The following ST18 variants were observed in gnomAD, a reference collection of about 807,000 sequenced individuals.
The protein encoded by ST18 is ST18 C2H2C-type zinc finger transcription factor.
In ST18, 50 loss-of-function variants were observed where a neutral mutation model predicts 110.0. The observed-to-expected ratio is 0.45, with a 90% confidence interval of 0.36 to 0.58. The LOEUF (loss-of-function observed/expected upper bound fraction) is 0.58. Among genes scored for constraint, ST18 ranks in the 20% least tolerant of loss-of-function variants. The pLI is 0.00. For missense variants in ST18, 1,306 were observed against 1,280.1 expected, an observed-to-expected ratio of 1.02 and a Z score of -0.31; for synonymous variants, 461 against 452.4, an observed-to-expected ratio of 1.02 and a Z score of -0.24.
chr8:52,323,611 A>G (rs1409467947), intron 2 of ST18, among the ~76,000 whole-genome samples: 1 of 152,176 alleles, frequency 6.6e-6, no homozygotes, highest in Non-Finnish European at 1.5e-5. Context: ...AAGCTCAGGT[A>G]CCAACAGGGT....
In ST18 at chr8:52,180,136, C is replaced by A. The variant is rs149445533; in HGVS notation, c.263G>T (p.Gly88Val). 3.1e-6 allele frequency: 5 copies of A among 1,614,092 alleles called. No homozygotes were observed. The African/African-American group carries it at 5.3e-5, about 17-fold the overall frequency. ...CTCCTTGCTACCTGCGGTAGAGTGACCATGTGTTTCCAAGGGGCCATCGTC... is the reference window on the plus strand; with the variant it reads ...CTCCTTGCTACCTGCGGTAGAGTGAACATGTGTTTCCAAGGGGCCATCGTC... ...TEDDGPLETH[G>V]HSTAEEIMIK... Residue 88 changes from glycine to valine, a missense_variant, in exon 9 of 26, where the codon GGT becomes GTT. Coordinates refer to ENST00000689386, the MANE Select transcript of ST18 (RefSeq NM_001352837.2).
chr8:52,251,969 C>T (rs183802576), intron 2 of ST18, among the ~76,000 whole-genome samples: 2 of 152,100 alleles, frequency 1.3e-5, no homozygotes, highest in Non-Finnish European at 2.9e-5. Flanking sequence ...CATGGCAGGT[C>T]ACATAAGGAC....
chr8:52,165,373 G>T, intron 11 of ST18, 148 bp from the exon 12 acceptor site: 1 of 724,416 alleles, frequency 1.4e-6, no homozygotes, highest in South Asian at 1.8e-5. Flanking sequence ...AAACAAGTGA[G>T]CATGGAAGAA....
intron 2 of ST18, among the ~76,000 whole-genome samples, chr8:52,281,779 G>T (rs1034599600): frequency 2.0e-5 from 3 of 152,182 alleles, no homozygotes; most frequent in African/African-American, 7.2e-5. Flanking sequence ...TATTCTAAGT[G>T]AAGTAACTCA....
chr8:52,137,424 C>A lies in ST18; in HGVS notation c.2228G>T (p.Arg743Leu). 6.2e-7 allele frequency: 1 copy of A among 1,614,030 alleles called. No homozygotes were observed. The highest frequency in any genetic ancestry group is 8.5e-7 in the Non-Finnish European group (1 of 1,179,976). Residue 743 changes from arginine (R) to leucine (L), a missense_variant, in exon 18 of 26, where the codon CGC becomes CTC. Physicochemically the swap from Arg to Leu is moderately radical, Grantham distance 102. Coordinates refer to ENST00000689386, the MANE Select transcript of ST18 (RefSeq NM_001352837.2). ...TGCACATGAGGTCATTGGGTACCTG[C>A]GATGAGATGCATAGTTTCCTGTCAC... Reference protein sequence around the residue: ...GHVTGNYASHRSVSGCPLADK... With the variant: ...GHVTGNYASHLSVSGCPLADK...
At chr8:52,176,727 T>A (rs145626935) in intron 9 of ST18, among the ~76,000 whole-genome samples, 1 of 152,266 alleles carries the variant, frequency 6.6e-6, no homozygotes, top group Admixed American at 6.5e-5. Context: ...CCGGCATAGA[T>A]GTTGGCTGTT....
rs531452158 is a variant in ST18 at position 52,261,256 on chromosome 8, A to G, written c.-464-31179T>C. On this transcript the variant is annotated intron_variant, in intron 2 of 25. Transcript: ENST00000689386. The stretch of plus-strand genomic sequence containing the variant: ...TTTTCTTACACTTTGCTGAACAGAC[A>G]TCATGACCAGGGGCTATTTTGGCCC... Among the ~76,000 whole-genome samples, 6 of 152,326 alleles carry G rather than the reference A, an allele frequency of 3.9e-5. No homozygotes were observed. The East Asian group carries it at 1.2e-3, about 29-fold the overall frequency.
At chr8:52,247,231 C>T (rs1299705090) in intron 2 of ST18, among the ~76,000 whole-genome samples, 4 of 152,106 alleles carry the variant, frequency 2.6e-5, no homozygotes, top group African/African-American at 9.7e-5. Flanking sequence ...TTAAGTTTCT[C>T]AAATTTCTTT....
chr8:52,235,483 CTAATTGTTATATT>C (rs2092484508), intron 2 of ST18, among the ~76,000 whole-genome samples: 2 of 152,172 alleles, frequency 1.3e-5, no homozygotes, highest in African/African-American at 4.8e-5. Context: ...AACCAGCTGA[CTAATTGTTATATT>C]AACGAAAAAG....
intron 6 of ST18, among the ~76,000 whole-genome samples, 189 bp from the exon 7 acceptor site, chr8:52,214,446 A>T (rs16917484): frequency 0.035 from 5,379 of 152,222 alleles, 327 homozygotes; most frequent in African/African-American, 0.12. Context: ...ATACATCTAC[A>T]GTTGCTGGAA....
intron 19 of ST18, among the ~76,000 whole-genome samples, chr8:52,136,189 A>G (rs2131734567): frequency 6.6e-6 from 1 of 152,334 alleles, no homozygotes; most frequent in South Asian, 2.1e-4. Flanking sequence ...TTTGGCACCC[A>G]AGAGTGAAAG....
At chr8:52,362,226 C>T (rs1826022230) in intron 2 of ST18, among the ~76,000 whole-genome samples, 1 of 152,086 alleles carries the variant, frequency 6.6e-6, no homozygotes, top group East Asian at 1.9e-4. Context: ...TAAAATTATT[C>T]CCTTATATTG....
intron 2 of ST18, among the ~76,000 whole-genome samples, chr8:52,304,079 G>T (rs541327533): frequency 6.6e-6 from 1 of 152,296 alleles, no homozygotes; most frequent in African/African-American, 2.4e-5. Context: ...CATGTCTTCT[G>T]TAAGCCTAAA....
intron 10 of ST18, among the ~76,000 whole-genome samples, chr8:52,169,923 T>C (rs990737677): frequency 1.3e-5 from 2 of 152,124 alleles, no homozygotes. Flanking sequence ...CCCAAATGTT[T>C]ACAAACACAG....
intron 2 of ST18, among the ~76,000 whole-genome samples, chr8:52,262,689 A>C (rs1303555173): frequency 6.6e-6 from 1 of 152,218 alleles, no homozygotes; most frequent in Non-Finnish European, 1.5e-5. Flanking sequence ...CTCCTATGTA[A>C]GAGTCTTTTT....
chr8:52,122,855 G>A (rs1586293792), intron 23 of ST18, among the ~76,000 whole-genome samples: 2 of 152,040 alleles, frequency 1.3e-5, no homozygotes, highest in East Asian at 3.9e-4. Flanking sequence ...GGGAAAATGA[G>A]TTAATGTAAA....
intron 2 of ST18, among the ~76,000 whole-genome samples, chr8:52,357,010 C>T (rs1014171085): frequency 1.3e-5 from 2 of 151,938 alleles, no homozygotes; most frequent in Non-Finnish European, 2.9e-5. Flanking sequence ...TACAACAAAC[C>T]CCCATGACAC....
chr8:52,111,066 A>G lies in ST18; in HGVS notation c.*2132T>C. The G allele has an allele frequency of 2.5e-6, 1 of 398,640 alleles. No homozygotes were observed. Among genetic ancestry groups the G allele is most frequent in the Non-Finnish European group, 4.4e-6 (1 of 225,822 alleles). The allele number at this position is 398,640 out of a possible 1,614,324, so 24.7% of individuals were successfully genotyped here. ...AAACAAATTCAGTGCACATTACAAA[A>G]CACATCAAGTACAAAGTAGGCAAAT... On this transcript the variant is annotated 3_prime_UTR_variant, in exon 26 of 26. Transcript: ENST00000689386.
rs1471023313 is a variant in ST18 at position 52,357,683 on chromosome 8, A to C, written c.-465+51645T>G. On this transcript the variant is annotated intron_variant, in intron 2 of 25. Coordinates refer to ENST00000689386, the MANE Select transcript of ST18 (RefSeq NM_001352837.2). ...AAATCCCCAAAATCTATAAATATAT[A>C]TATATATATATATATATATATATAT... Among the ~76,000 whole-genome samples, 19 of 25,188 alleles carry C rather than the reference A, an allele frequency of 7.5e-4. 1 individual carries two copies. Among genetic ancestry groups the C allele is most frequent in the African/African-American group, 4.6e-3 (18 of 3,950 alleles). 16.5% of individuals were successfully genotyped at this position (25,188 alleles called of 152,430 possible). A position where few individuals can be genotyped will look rare whatever the true frequency, so the allele number is the denominator to read the frequency against.
Sources: allele counts gnomAD v4.1 joint callset (sites outside exome capture counted in the v4.1 genomes callset), GRCh38; gene constraint gnomAD v4.1.1; transcripts MANE v1.5; gene names NCBI Gene and HGNC (gene_info 2026-07-23, HGNC 2026-07-21).